The following TECR variants were observed in gnomAD, a reference collection of about 807,000 sequenced individuals.
The protein encoded by TECR is very-long-chain enoyl-CoA reductase.
Under a neutral mutation model 50.6 loss-of-function variants are expected in TECR, and 19 were observed. That is an observed-to-expected ratio of 0.38 (90% CI 0.26 to 0.55). The LOEUF (loss-of-function observed/expected upper bound fraction) is 0.55. Among genes scored for constraint, TECR ranks in the 20% least tolerant of loss-of-function variants. TECR has a pLI of 0.79. For missense variants in TECR, 313 were observed against 408.3 expected (o/e 0.77, Z 2.01); for synonymous variants, 168 against 163.5 (o/e 1.03, Z -0.21).
At chr19:14,549,473 G>GC (rs1266967455) in intron 1 of TECR, among the ~76,000 whole-genome samples, 1 of 151,832 alleles carries the variant, frequency 6.6e-6, no homozygotes, top group Non-Finnish European at 1.5e-5. Context: ...GCCCTCCTTG[G>GC]CCCCCTAACC....
chr19:14,546,974 C>T (rs2146591687), intron 1 of TECR, among the ~76,000 whole-genome samples: 1 of 152,262 alleles, frequency 6.6e-6, no homozygotes, highest in South Asian at 2.1e-4. Flanking sequence ...GGATTACAGG[C>T]ATGAGCCACT....
At chr19:14,555,185 C>A (rs12974147) in intron 1 of TECR, among the ~76,000 whole-genome samples, 3 of 151,636 alleles carry the variant, frequency 2.0e-5, no homozygotes, top group African/African-American at 7.3e-5. Context: ...CTTAAGCGAT[C>A]CTTCTGTCAC....
At chr19:14,538,976 ATTT>A (rs869186799) in intron 1 of TECR, among the ~76,000 whole-genome samples, 2 of 132,928 alleles carry the variant, frequency 1.5e-5, no homozygotes, top group Non-Finnish European at 1.6e-5. Flanking sequence ...TGCAAGTCAC[ATTT>A]TTTTTTTTTT....
In TECR at chr19:14,563,474, C is replaced by T. The variant is rs535567825; in HGVS notation, c.119-184C>T. The T allele has an allele frequency of 5.6e-4, 481 of 857,496 alleles. 2 individuals carry two copies. In the African/African-American group the frequency reaches 6.9e-3, roughly 12 times the overall value. 53.1% of individuals were successfully genotyped at this position (857,496 alleles called of 1,614,324 possible). A position where few individuals can be genotyped will look rare whatever the true frequency, so the allele number is the denominator to read the frequency against. On this transcript the variant is annotated intron_variant, in intron 3 of 12. Transcript: ENST00000215567. This position sits in a 1 kb window ranked among gnomAD's most constrained non-coding sequence, Gnocchi z 5.3. Reference sequence around the variant, plus strand: ...GGAAGGACAAGATCCTGCTTCTGCCCGCGCTCTTCTGGCTTGTGTCCTGAA... The same window carrying T: ...GGAAGGACAAGATCCTGCTTCTGCCTGCGCTCTTCTGGCTTGTGTCCTGAA...
chr19:14,534,722 C>G (rs906305633), intron 1 of TECR, among the ~76,000 whole-genome samples: 2 of 152,118 alleles, frequency 1.3e-5, no homozygotes, highest in South Asian at 4.1e-4. Context: ...TAGGTGTGAG[C>G]CACCGCACCT....
chr19:14,564,329 T>TGCCCCACCCC (rs1693091873), intron 7 of TECR, 42 bp downstream of exon 7: 17 of 1,435,770 alleles, frequency 1.2e-5, no homozygotes, highest in Non-Finnish European at 1.5e-5. Context: ...CCCGCCTTTC[T>TGCCCCACCCC]GCCCCACCCC....
rs753380085 is a variant in TECR, at chr19:14,563,649, T to G, written c.119-9T>G. The G allele has an allele frequency of 1.9e-6, 3 of 1,610,504 alleles. No homozygotes were observed. The highest frequency in any genetic ancestry group is 2.7e-5 in the African/African-American group (2 of 74,892). The stretch of plus-strand genomic sequence containing the variant: ...GCTGTGGGCTGTAACTGCCCTGTTC[T>G]CCCCGCAGATCCGCAGTGGTACCCC... On this transcript the variant is annotated splice_polypyrimidine_tract_variant and intron_variant, in intron 3 of 12. Transcript: ENST00000215567. The surrounding 1 kb of genome is among the most constrained non-coding windows in gnomAD (Gnocchi z 5.3).
chr19:14,538,371 G>C (rs2072978484), intron 1 of TECR, among the ~76,000 whole-genome samples: 2 of 152,088 alleles, frequency 1.3e-5, no homozygotes, highest in Admixed American at 1.3e-4. Context: ...GGCCTGTGGG[G>C]GAGTGTGAAG....
At chr19:14,537,796 G>A (rs1364714592) in intron 1 of TECR, among the ~76,000 whole-genome samples, 2 of 147,568 alleles carry the variant, frequency 1.4e-5, no homozygotes, top group Non-Finnish European at 3.0e-5. Flanking sequence ...CCCTAGGCTG[G>A]GGTGCAATGG....
rs766946864 is a variant in TECR at position 14,565,975 on chromosome 19, G to C, written c.*104G>C. 1.1e-5 allele frequency: 17 copies of C among 1,554,626 alleles called. No individual in the cohort carries two copies. The highest frequency in any genetic ancestry group is 1.4e-5 in the Non-Finnish European group (16 of 1,151,076). ...CCCGGAATAAAGCCCGCCTGCCCCA[G>C]TCGGACTCGGGCTCTGTGTGTTTCT... On this transcript the variant is annotated 3_prime_UTR_variant, in exon 13 of 13. Coordinates refer to ENST00000215567, the MANE Select transcript of TECR (RefSeq NM_138501.6).
At position 14,564,185 on chromosome 19, in the gene TECR, C is replaced by T. The variant is rs1234431021; in HGVS notation, c.387C>T (p.Leu129=). The change falls in exon 7 of 13, where the codon CTC becomes CTT. Residue 129 remains leucine, a synonymous_variant. Transcript: ENST00000215567. ...TGAGCCTGCTCCCCCCGACCAGCCT[C>T]GCCTGCATCTGTCACTCATTCCACT... ...FTSSRHTVVH[L]ACICHSFHYI... 14 of 1,607,264 alleles carry T rather than the reference C, an allele frequency of 8.7e-6. No individual in the cohort carries two copies. Among genetic ancestry groups the T allele is most frequent in the South Asian group, 4.4e-5 (4 of 91,078 alleles).
intron 7 of TECR, 32 bp from the exon 8 acceptor site, chr19:14,564,754 C>T (rs2074023034): frequency 6.2e-7 from 1 of 1,603,092 alleles, no homozygotes; most frequent in Non-Finnish European, 8.5e-7. Context: ...CGGTGCTGGC[C>T]CAAGTCCCAT....
intron 1 of TECR, among the ~76,000 whole-genome samples, chr19:14,535,559 T>G (rs1187776734): frequency 9.6e-5 from 1 of 10,378 alleles, no homozygotes; most frequent in Non-Finnish European, 2.0e-4. Flanking sequence ...TATATATATA[T>G]ATATATATAT....
rs2073967475 is a variant in TECR, at chr19:14,563,529, G to C, written c.119-129G>C. The stretch of plus-strand genomic sequence containing the variant: ...CACAAGCCTGAGGGTTTGCCCCCAG[G>C]TGGGAGGAGCTGTGGAGTCCTGGGG... On this transcript the variant is annotated intron_variant, in intron 3 of 12. Transcript: ENST00000215567. This position sits in a 1 kb window ranked among gnomAD's most constrained non-coding sequence, Gnocchi z 5.3. The C allele has an allele frequency of 8.0e-7, 1 of 1,249,610 alleles. No homozygotes were observed. Among genetic ancestry groups the C allele is most frequent in the African/African-American group, 1.5e-5 (1 of 67,304 alleles). 77.4% of individuals were successfully genotyped at this position (1,249,610 alleles called of 1,614,324 possible).
rs1219519944 is a variant in TECR, at chr19:14,563,303, A to G, written c.118+46A>G. 6.5e-7 allele frequency: 1 copy of G among 1,536,796 alleles called. No individual in the cohort carries two copies. Among genetic ancestry groups the G allele is most frequent in the East Asian group, 2.2e-5 (1 of 44,460 alleles). On this transcript the variant is annotated intron_variant, in intron 3 of 12. Coordinates refer to ENST00000215567, the MANE Select transcript of TECR (RefSeq NM_138501.6). This position sits in a 1 kb window ranked among gnomAD's most constrained non-coding sequence, Gnocchi z 5.3. Reference sequence around the variant, plus strand: ...CACTGCCCCTGCAACCCCTTTGACCAGGGACCTTAGGGTGGGAGGGATCCC... The same window carrying G: ...CACTGCCCCTGCAACCCCTTTGACCGGGGACCTTAGGGTGGGAGGGATCCC...
chr19:14,564,679 T>G, intron 7 of TECR, 107 bp from the exon 8 acceptor site: 28 of 603,500 alleles, frequency 4.6e-5, no homozygotes, highest in East Asian at 1.0e-4. Flanking sequence ...CCAAGGCCCC[T>G]CCTGTCCTTT....
chr19:14,539,523 C>G (rs978347729), intron 1 of TECR, among the ~76,000 whole-genome samples: 1 of 152,146 alleles, frequency 6.6e-6, no homozygotes, highest in Admixed American at 6.5e-5. Flanking sequence ...CACCGAGCCA[C>G]AGGCAGAAGG....
At chr19:14,536,136 C>T (rs2072889195) in intron 1 of TECR, among the ~76,000 whole-genome samples, 1 of 152,094 alleles carries the variant, frequency 6.6e-6, no homozygotes, top group Admixed American at 6.6e-5. Flanking sequence ...TTGGGTTGGG[C>T]AGTATTGATT....
chr19:14,556,897 G>T (rs931876962), intron 1 of TECR, among the ~76,000 whole-genome samples: 1 of 152,020 alleles, frequency 6.6e-6, no homozygotes, highest in Non-Finnish European at 1.5e-5. Context: ...GGGTCAGCTC[G>T]GCCTCTGCAC....
Sources: allele counts gnomAD v4.1 joint callset (sites outside exome capture counted in the v4.1 genomes callset), GRCh38; gene constraint gnomAD v4.1.1; non-coding constraint Gnocchi (gnomAD v3.1); transcripts MANE v1.5; gene names NCBI Gene and HGNC (gene_info 2026-07-23, HGNC 2026-07-21).